Variants in TMEM242 observed in about 807,000 individuals in gnomAD.
The protein encoded by TMEM242 is UPF0463 transmembrane protein C6orf35.
Under a neutral mutation model 18.2 loss-of-function variants are expected in TMEM242, and 10 were observed. The ratio of observed to expected loss-of-function variants is 0.55; its 90% confidence interval spans 0.34 to 0.93. The LOEUF (loss-of-function observed/expected upper bound fraction) is 0.93, where lower values mean the gene tolerates loss of function less well. Ranked by LOEUF, TMEM242 falls within the 40% of genes least tolerant of loss-of-function variation. The probability of loss-of-function intolerance (pLI) is 0.02; values close to 1 mark genes in which losing one functional copy is unlikely to be tolerated. For missense variants in TMEM242, 186 were observed against 175.5 expected, an observed-to-expected ratio of 1.06 and a Z score of -0.34; for synonymous variants, 57 against 69.9, an observed-to-expected ratio of 0.81 and a Z score of 0.92.
At chr6:157,299,922 A>T (rs1777803940) in intron 3 of TMEM242, 1 of 1,611,168 alleles carries the variant, frequency 6.2e-7, no homozygotes, top group African/African-American at 1.3e-5. Flanking sequence ...ATGCCCACCG[A>T]TCCAGTTCCT....
At chr6:157,318,191 A>T (rs1398878868) in intron 3 of TMEM242, 1 of 152,258 alleles carries the variant, frequency 6.6e-6, no homozygotes, top group East Asian at 1.9e-4. Flanking sequence ...GTTGTTCCAA[A>T]TTAATAATTT....
chr6:157,318,671 C>A, intron 3 of TMEM242, 111 bp downstream of exon 3: 1 of 1,308,038 alleles, frequency 7.6e-7, no homozygotes, highest in East Asian at 2.4e-5. Context: ...GTCATCATCT[C>A]CCTAGACAGT....
At chr6:157,316,555 A>G (rs1778395246) in intron 3 of TMEM242, among the ~76,000 whole-genome samples, 1 of 152,168 alleles carries the variant, frequency 6.6e-6, no homozygotes, top group Non-Finnish European at 1.5e-5. Context: ...ATTACAAACA[A>G]TGATTAGCCA....
At chr6:157,319,541 G>A (rs908404774) in intron 2 of TMEM242, among the ~76,000 whole-genome samples, 2 of 152,072 alleles carry the variant, frequency 1.3e-5, no homozygotes, top group Non-Finnish European at 2.9e-5. Flanking sequence ...TTTATTCAGG[G>A]AACTACAAAG....
chr6:157,318,692 C>A (rs1554250548), intron 3 of TMEM242, 90 bp downstream of exon 3: 3 of 1,534,978 alleles, frequency 2.0e-6, no homozygotes, highest in African/African-American at 2.7e-5. Flanking sequence ...GACCAAACTA[C>A]ATGCAAATAA....
chr6:157,312,986 A>C (rs374127034), intron 3 of TMEM242, among the ~76,000 whole-genome samples: 1 of 5,432 alleles, frequency 1.8e-4, no homozygotes, highest in East Asian at 0.011. Flanking sequence ...GCGCTCACCT[A>C]GCCTCATCAT....
intron 3 of TMEM242, among the ~76,000 whole-genome samples, chr6:157,294,420 G>T (rs1321766976): frequency 5.0e-5 from 7 of 140,954 alleles, no homozygotes; most frequent in Admixed American, 1.5e-4. Flanking sequence ...GCGGGATCTC[G>T]GCTCACTGCA....
Position 157,290,360 on chromosome 6 carries a change from CCTTTTT to C in TMEM242, c.*2535_*2540del, listed in dbSNP as rs1364922803. On this transcript the variant is annotated 3_prime_UTR_variant, in exon 4 of 4. Transcript: ENST00000400788. The stretch of plus-strand genomic sequence containing the variant: ...ATAGGGAGATAATGTCTGTTCTATT[CCTTTTT>C]AAGTCTGTGAAAAATGTCATCCTGG... 1 of 152,134 alleles carries C rather than the reference CCTTTTT, an allele frequency of 6.6e-6. No individual in the cohort carries two copies. Among genetic ancestry groups the C allele is most frequent in the Non-Finnish European group, 1.5e-5 (1 of 68,026 alleles). 9.4% of individuals were successfully genotyped at this position (152,134 alleles called of 1,614,324 possible).
intron 2 of TMEM242, among the ~76,000 whole-genome samples, chr6:157,319,494 T>C (rs1778459438): frequency 6.6e-6 from 1 of 152,220 alleles, no homozygotes; most frequent in Admixed American, 6.5e-5. Context: ...AAGAGTAAAT[T>C]ACTTCGCCAC....
intron 3 of TMEM242, among the ~76,000 whole-genome samples, chr6:157,314,619 G>A (rs782501315): frequency 5.3e-5 from 8 of 152,120 alleles, no homozygotes; most frequent in Non-Finnish European, 1.2e-4. Flanking sequence ...GTCAATGCTG[G>A]GCAAACTTAC....
intron 3 of TMEM242, among the ~76,000 whole-genome samples, chr6:157,304,439 TG>T (rs1172723760): frequency 9.0e-6 from 1 of 111,458 alleles, no homozygotes; most frequent in African/African-American, 3.6e-5. Context: ...AACTCCAGCC[TG>T]GGTGACAGAG....
intron 3 of TMEM242, chr6:157,299,011 T>C (rs1158881532): frequency 3.5e-6 from 1 of 284,074 alleles, no homozygotes; most frequent in Middle Eastern, 4.4e-4. Context: ...CTATGATCTC[T>C]TCAATAATTT....
intron 3 of TMEM242, among the ~76,000 whole-genome samples, chr6:157,297,860 T>G (rs1777771493): frequency 6.6e-6 from 1 of 152,242 alleles, no homozygotes; most frequent in Non-Finnish European, 1.5e-5. Context: ...TTTTTACATC[T>G]CAGCTTTCCA....
chr6:157,316,531 A>G (rs1487545371), intron 3 of TMEM242, among the ~76,000 whole-genome samples: 3 of 152,168 alleles, frequency 2.0e-5, no homozygotes, highest in African/African-American at 7.2e-5. Flanking sequence ...TTTTCAAGCA[A>G]TCTCTAATTT....
intron 3 of TMEM242, among the ~76,000 whole-genome samples, chr6:157,311,130 CAT>C (rs782187614): frequency 2.8e-5 from 4 of 144,622 alleles, no homozygotes; most frequent in South Asian, 2.2e-4. Context: ...CTAGCCCCAT[CAT>C]AGTGTCCCAG....
intron 2 of TMEM242, 41 bp from the exon 3 acceptor site, chr6:157,318,960 C>A: frequency 6.4e-7 from 1 of 1,552,576 alleles, no homozygotes. Flanking sequence ...ACAATCAGTG[C>A]AGAAAGAATA....
At position 157,290,890 on chromosome 6, in the gene TMEM242, A is replaced by T. The variant is rs1777675605; in HGVS notation, c.*2011T>A. 1 of 152,222 alleles carries T rather than the reference A, an allele frequency of 6.6e-6. No homozygotes were observed. The highest frequency in any genetic ancestry group is 1.5e-5 in the Non-Finnish European group (1 of 68,044). 9.4% of individuals were successfully genotyped at this position (152,222 alleles called of 1,614,324 possible). A position where few individuals can be genotyped will look rare whatever the true frequency, so the allele number is the denominator to read the frequency against. On this transcript the variant is annotated 3_prime_UTR_variant, in exon 4 of 4. Coordinates refer to ENST00000400788, the MANE Select transcript of TMEM242 (RefSeq NM_018452.6). ...GTCAAGGACAGCAGAGGTGACATAT[A>T]AGGGTTTTGTAGACACGAGGCATGC...
chr6:157,317,479 G>A (rs1415200897), intron 3 of TMEM242, among the ~76,000 whole-genome samples: 1 of 152,104 alleles, frequency 6.6e-6, no homozygotes, highest in Non-Finnish European at 1.5e-5. Flanking sequence ...TTAACATTAG[G>A]AGTCCCCAAG....
intron 2 of TMEM242, among the ~76,000 whole-genome samples, chr6:157,319,747 T>C (rs1778463040): frequency 6.6e-6 from 1 of 152,232 alleles, no homozygotes; most frequent in Non-Finnish European, 1.5e-5. Context: ...TCTGTTTTAA[T>C]ACCTAGAATC....
Sources: allele counts gnomAD v4.1 joint callset (sites outside exome capture counted in the v4.1 genomes callset), GRCh38; gene constraint gnomAD v4.1.1; transcripts MANE v1.5; gene names NCBI Gene and HGNC (gene_info 2026-07-23, HGNC 2026-07-21).